Variants in EEPD1 observed in about 807,000 individuals in gnomAD.
The protein encoded by EEPD1 is endonuclease/exonuclease/phosphatase family domain-containing protein 1.
Under a neutral mutation model 46.3 loss-of-function variants are expected in EEPD1, and 17 were observed. The observed-to-expected ratio is 0.37, with a 90% CI of 0.25 to 0.55. The LOEUF (loss-of-function observed/expected upper bound fraction) is 0.55. Ranked by LOEUF, EEPD1 falls within the 20% of genes least tolerant of loss-of-function variation. The probability of loss-of-function intolerance (pLI) is 0.83; values close to 1 mark genes in which losing one functional copy is unlikely to be tolerated. For synonymous variants in EEPD1, 313 were observed against 315.6 expected, an observed-to-expected ratio of 0.99 and a Z score of 0.09; for missense variants, 673 against 745.6, an observed-to-expected ratio of 0.90 and a Z score of 1.13.
intron 2 of EEPD1, among the ~76,000 whole-genome samples, chr7:36,228,333 G>C (rs1385368265): frequency 6.6e-6 from 1 of 152,140 alleles, no homozygotes; most frequent in Non-Finnish European, 1.5e-5. Context: ...TTTGAGACCA[G>C]TCTGGCCAAC....
At chr7:36,181,298 T>C (rs1785266603) in intron 2 of EEPD1, among the ~76,000 whole-genome samples, 1 of 151,998 alleles carries the variant, frequency 6.6e-6, no homozygotes, top group African/African-American at 2.4e-5. Flanking sequence ...CGGAGGGCTG[T>C]GGCTGTGCTG....
chr7:36,272,073 G>T (rs1034953744), intron 3 of EEPD1, among the ~76,000 whole-genome samples: 3 of 151,866 alleles, frequency 2.0e-5, no homozygotes, highest in Non-Finnish European at 4.4e-5. Context: ...AGTAGAGACA[G>T]GGTTTCACCA....
At chr7:36,257,898 A>G (rs1329963861) in intron 3 of EEPD1, among the ~76,000 whole-genome samples, 2 of 152,156 alleles carry the variant, frequency 1.3e-5, no homozygotes, top group African/African-American at 4.8e-5. Context: ...TTGGAAGAGA[A>G]GAGGCATTAT....
At chr7:36,204,413 T>C (rs1785774219) in intron 2 of EEPD1, among the ~76,000 whole-genome samples, 1 of 146,952 alleles carries the variant, frequency 6.8e-6, no homozygotes. Flanking sequence ...ACAGCAGCAA[T>C]GATGATGAGG....
chr7:36,198,222 A>G (rs559038704), intron 2 of EEPD1, among the ~76,000 whole-genome samples: 19 of 151,530 alleles, frequency 1.3e-4, no homozygotes, highest in African/African-American at 4.1e-4. Context: ...ACAGTGTGGG[A>G]GATTGAAATA....
At chr7:36,284,559 T>C (rs964070106) in intron 4 of EEPD1, 127 bp from the exon 5 acceptor site, 4 of 1,206,222 alleles carry the variant, frequency 3.3e-6, no homozygotes, top group Non-Finnish European at 3.4e-6. Context: ...TGGTGTGCTT[T>C]TGGTTTAGAA....
intron 6 of EEPD1, among the ~76,000 whole-genome samples, chr7:36,292,347 T>C (rs781340987): frequency 6.6e-6 from 1 of 151,048 alleles, no homozygotes; most frequent in Non-Finnish European, 1.5e-5. Context: ...CTGTTTTCTT[T>C]CTTTCTTTTT....
chr7:36,165,365 C>G (rs923762264), intron 2 of EEPD1, among the ~76,000 whole-genome samples: 2 of 149,022 alleles, frequency 1.3e-5, no homozygotes, highest in South Asian at 2.1e-4. Flanking sequence ...TGAAAGTCCA[C>G]TCTGTGAAGT....
chr7:36,200,812 G>A (rs756923013), intron 2 of EEPD1, among the ~76,000 whole-genome samples: 2 of 152,166 alleles, frequency 1.3e-5, no homozygotes, highest in Non-Finnish European at 2.9e-5. Context: ...TGCTCCACGA[G>A]CCCAGCAGTA....
Position 36,298,998 on chromosome 7 carries a change from T to A in EEPD1, c.1511-9T>A. On this transcript the variant is annotated splice_polypyrimidine_tract_variant and intron_variant, in intron 7 of 7. Transcript: ENST00000242108. ...TGATTCCCGGTCTCTTTCCTTCCTCTCCCTTCAGGTCACTGGGCTGTGGTG... is the reference window on the plus strand; with the variant it reads ...TGATTCCCGGTCTCTTTCCTTCCTCACCCTTCAGGTCACTGGGCTGTGGTG... 6.2e-7 allele frequency: 1 copy of A among 1,613,478 alleles called. No homozygotes were observed. The highest frequency in any genetic ancestry group is 8.5e-7 in the Non-Finnish European group (1 of 1,179,706).
chr7:36,250,218 C>A lies in EEPD1; in HGVS notation c.930+11182C>A, dbSNP rs527690079. ...GTCTGGGTGACAGAGCAAGACCCTG[C>A]CTCAAAAGAAAAAAAAATTAAAAAT... On this transcript the variant is annotated intron_variant, in intron 3 of 7. Transcript: ENST00000242108. Among the ~76,000 whole-genome samples, 10 of 152,142 alleles carry A rather than the reference C, an allele frequency of 6.6e-5. No homozygotes were observed. In the South Asian group the frequency reaches 1.2e-3, roughly 19 times the overall value.
intron 6 of EEPD1, among the ~76,000 whole-genome samples, chr7:36,290,808 A>G (rs1787417598): frequency 6.6e-6 from 1 of 152,162 alleles, no homozygotes; most frequent in South Asian, 2.1e-4. Context: ...AGACTCTCTG[A>G]GGAAGTCAGC....
chr7:36,153,881 A>G (rs960444425), intron 1 of EEPD1, among the ~76,000 whole-genome samples: 1 of 152,146 alleles, frequency 6.6e-6, no homozygotes. Flanking sequence ...GAGGAGAGGC[A>G]TGAGGCTGAT....
intron 3 of EEPD1, 105 bp downstream of exon 3, chr7:36,239,141 C>A: frequency 1.8e-6 from 2 of 1,122,794 alleles, no homozygotes; most frequent in Non-Finnish European, 2.6e-6. Context: ...ACTGAAAAGA[C>A]GGTCAGTTAT....
chr7:36,154,799 C>T lies in EEPD1; in HGVS notation c.475C>T (p.Leu159Phe). 1.2e-6 allele frequency: 2 copies of T among 1,614,202 alleles called. No individual in the cohort carries two copies. Among genetic ancestry groups the T allele is most frequent in the Non-Finnish European group, 1.7e-6 (2 of 1,180,038 alleles). ...GCGAGGCCTCTCGGAGAAAATGGCC[C>T]TCAGCATCGTGGACTTCCGCCGTGA... is the stretch of plus-strand genomic sequence containing the variant. ...SVRGLSEKMA[L>F]SIVDFRREHG... The change falls in exon 2 of 8, where the codon CTC becomes TTC. Residue 159 changes from leucine (L) to phenylalanine (F), a missense_variant. By Grantham distance (22) the Leu-to-Phe change is conservative. Coordinates refer to ENST00000242108, the MANE Select transcript of EEPD1 (RefSeq NM_030636.3). This position sits in a 1 kb window ranked among gnomAD's most constrained non-coding sequence, Gnocchi z 4.2.
At chr7:36,219,997 A>G (rs781457924) in intron 2 of EEPD1, among the ~76,000 whole-genome samples, 3 of 152,154 alleles carry the variant, frequency 2.0e-5, no homozygotes, top group Non-Finnish European at 4.4e-5. Flanking sequence ...GGTTGCGGGA[A>G]GAAGAGCACA....
At chr7:36,244,525 G>C (rs1396472226) in intron 3 of EEPD1, among the ~76,000 whole-genome samples, 4 of 152,012 alleles carry the variant, frequency 2.6e-5, no homozygotes, top group Admixed American at 1.3e-4. Context: ...TTGGTTTTAG[G>C]TAGACAGCCT....
At chr7:36,254,113 G>T (rs776082401) in intron 3 of EEPD1, among the ~76,000 whole-genome samples, 2 of 151,960 alleles carry the variant, frequency 1.3e-5, no homozygotes, top group African/African-American at 2.4e-5. Context: ...CTTAGTGATT[G>T]AGCTAGGATT....
At chr7:36,253,468 T>A (rs76454993) in intron 3 of EEPD1, among the ~76,000 whole-genome samples, 1 of 152,234 alleles carries the variant, frequency 6.6e-6, no homozygotes, top group East Asian at 1.9e-4. Flanking sequence ...AGTTGGTTTA[T>A]GGTTTATGTT....
Sources: allele counts gnomAD v4.1 joint callset (sites outside exome capture counted in the v4.1 genomes callset), GRCh38; gene constraint gnomAD v4.1.1; non-coding constraint Gnocchi (gnomAD v3.1); transcripts MANE v1.5; gene names NCBI Gene and HGNC (gene_info 2026-07-23, HGNC 2026-07-21).